The following SOX6 variants were observed in gnomAD, a reference collection of about 807,000 sequenced individuals.
SOX6 encodes transcription factor SOX-6.
SOX6 carries 11 observed loss-of-function variants against 97.8 expected under a neutral mutation model. The observed-to-expected ratio is 0.11, with a 90% confidence interval of 0.07 to 0.19. The LOEUF (loss-of-function observed/expected upper bound fraction) is 0.19. Ranked by LOEUF, SOX6 falls within the 10% of genes least tolerant of loss-of-function variation. The pLI is 1.00. For synonymous variants in SOX6, 360 were observed against 371.4 expected, an observed-to-expected ratio of 0.97 and a Z score of 0.35; for missense variants, 810 against 1,039.5, an observed-to-expected ratio of 0.78 and a Z score of 3.04.
intron 9 of SOX6, among the ~76,000 whole-genome samples, chr11:16,076,795 G>A (rs192453675): frequency 1.3e-3 from 172 of 135,244 alleles, no homozygotes; most frequent in African/African-American, 4.7e-3. Context: ...CGCCCAGGCC[G>A]GACTGCGGAC....
upstream of SOX6, among the ~76,000 whole-genome samples, chr11:16,357,877 G>A (rs1285587047): frequency 6.6e-6 from 1 of 152,126 alleles, no homozygotes; most frequent in Non-Finnish European, 1.5e-5. Context: ...CATAGGTCAA[G>A]AATAATAAAA....
chr11:16,161,735 T>C (rs1174899411), intron 6 of SOX6, among the ~76,000 whole-genome samples: 1 of 152,230 alleles, frequency 6.6e-6, no homozygotes, highest in Non-Finnish European at 1.5e-5. Context: ...TCCTTTGACA[T>C]AACTAGAACC....
chr11:16,249,652 C>T (rs189134913), intron 3 of SOX6, among the ~76,000 whole-genome samples: 4 of 152,214 alleles, frequency 2.6e-5, no homozygotes, highest in East Asian at 1.9e-4. Context: ...CTGACATGTA[C>T]CAGTAATAAA....
intron 1 of SOX6, among the ~76,000 whole-genome samples, chr11:16,421,929 C>T (rs1033628035): frequency 2.0e-5 from 3 of 152,134 alleles, no homozygotes; most frequent in African/African-American, 7.2e-5. Flanking sequence ...GGAAAATAAG[C>T]TAGCAATTAA....
At chr11:16,557,078 C>T (rs1038635824) in intron 4 of SOX6, among the ~76,000 whole-genome samples, 1 of 151,698 alleles carries the variant, frequency 6.6e-6, no homozygotes, top group Non-Finnish European at 1.5e-5. Context: ...TTATTAAATA[C>T]TTTGATCACA....
At chr11:16,252,014 T>C (rs1853528365) in intron 3 of SOX6, among the ~76,000 whole-genome samples, 2 of 151,958 alleles carry the variant, frequency 1.3e-5, no homozygotes, top group African/African-American at 4.8e-5. Context: ...CTCTCAGCAA[T>C]GTAAGACTAG....
At chr11:16,266,227 T>C (rs915905260) in intron 3 of SOX6, among the ~76,000 whole-genome samples, 3 of 151,750 alleles carry the variant, frequency 2.0e-5, no homozygotes, top group Non-Finnish European at 4.4e-5. Context: ...ATGTGACAGC[T>C]GATTCCTCAT....
At chr11:16,622,557 A>G (rs949947796) in intron 3 of SOX6, among the ~76,000 whole-genome samples, 2 of 152,190 alleles carry the variant, frequency 1.3e-5, no homozygotes, top group Non-Finnish European at 1.5e-5. Context: ...GCTTACAATA[A>G]TGGTCTCCAA....
chr11:16,301,697 T>C (rs1315542231), intron 3 of SOX6, among the ~76,000 whole-genome samples: 2 of 152,142 alleles, frequency 1.3e-5, no homozygotes, highest in South Asian at 4.1e-4. Flanking sequence ...TGATAGATTA[T>C]GGAGTTTCCA....
At position 16,036,119 on chromosome 11, in the gene SOX6, G is replaced by T. The variant is rs552853176; in HGVS notation, c.1623+10395C>A. ...TTTGAGATGGAGTTTCGCTCTTGTTGCCCAGGCTAGAGTGCAATGGCATGA... is the reference window on the plus strand; with the variant it reads ...TTTGAGATGGAGTTTCGCTCTTGTTTCCCAGGCTAGAGTGCAATGGCATGA... On this transcript the variant is annotated intron_variant, in intron 12 of 15. Transcript: ENST00000683767. 1.0e-4 allele frequency among the ~76,000 whole-genome samples: 12 copies of T among 119,902 alleles called. No individual in the cohort carries two copies. In the South Asian group the frequency reaches 3.1e-3, roughly 31 times the overall value. 78.7% of individuals were successfully genotyped at this position (119,902 alleles called of 152,430 possible). A position where few individuals can be genotyped will look rare whatever the true frequency, so the allele number is the denominator to read the frequency against.
At chr11:16,045,995 G>A (rs909110654) in intron 12 of SOX6, among the ~76,000 whole-genome samples, 3 of 152,242 alleles carry the variant, frequency 2.0e-5, no homozygotes, top group Admixed American at 1.3e-4. Context: ...TATCTCCAGC[G>A]CCTAGAACAG....
intron 3 of SOX6, among the ~76,000 whole-genome samples, chr11:16,254,523 C>G (rs1853623063): frequency 6.6e-6 from 1 of 151,970 alleles, no homozygotes; most frequent in African/African-American, 2.4e-5. Flanking sequence ...TATGAGGTAC[C>G]TGCACACCTT....
intron 3 of SOX6, among the ~76,000 whole-genome samples, chr11:16,243,980 C>A (rs1853266311): frequency 1.3e-5 from 2 of 151,914 alleles, no homozygotes; most frequent in African/African-American, 4.8e-5. Context: ...AACTAATATA[C>A]AAATTCATTC....
chr11:16,132,505 A>AAAGAGAAAGCAAGCAAGCAAGC (rs1451899878), intron 6 of SOX6, among the ~76,000 whole-genome samples: 5 of 86,214 alleles, frequency 5.8e-5, no homozygotes, highest in African/African-American at 2.1e-4. Flanking sequence ...AGAAAGAAAG[A>AAAGAGAAAGCAAGCAAGCAAGC]AAGCTTATCT....
chr11:16,077,900 C>T (rs951763852), intron 9 of SOX6, among the ~76,000 whole-genome samples: 1 of 151,912 alleles, frequency 6.6e-6, no homozygotes, highest in African/African-American at 2.4e-5. Flanking sequence ...TACAACAAAC[C>T]CTTGTGACAT....
chr11:16,078,052 A>G (rs1173438764), intron 9 of SOX6, among the ~76,000 whole-genome samples: 2 of 152,216 alleles, frequency 1.3e-5, no homozygotes, highest in Non-Finnish European at 1.5e-5. Context: ...ATTTACAGAA[A>G]TAAAAGTTAG....
intron 9 of SOX6, among the ~76,000 whole-genome samples, chr11:16,085,030 C>A (rs1479219499): frequency 2.0e-5 from 3 of 152,148 alleles, no homozygotes; most frequent in Non-Finnish European, 4.4e-5. Flanking sequence ...TTCAACAAAG[C>A]TTCTGTCTCT....
intron 1 of SOX6, among the ~76,000 whole-genome samples, chr11:16,363,431 C>A (rs1303289557): frequency 1.3e-5 from 2 of 152,020 alleles, no homozygotes; most frequent in Non-Finnish European, 2.9e-5. Flanking sequence ...CCAATATCTG[C>A]AAATATTCCA....
chr11:16,487,227 T>C (rs1210169177), intron 4 of SOX6, among the ~76,000 whole-genome samples: 4 of 152,172 alleles, frequency 2.6e-5, no homozygotes, highest in Non-Finnish European at 4.4e-5. Context: ...TATTAGAAAC[T>C]AGACATGGAA....
Sources: gnomAD v4.1 joint callset for allele counts (sites outside exome capture counted in the v4.1 genomes callset) on GRCh38, gnomAD v4.1.1 for gene constraint, MANE v1.5 for transcripts, NCBI Gene and HGNC (gene_info 2026-07-23, HGNC 2026-07-21) for gene names.